Variants in IGSF3 observed in about 807,000 individuals in gnomAD.
The protein encoded by IGSF3 is glu-Trp-Ile EWI motif-containing protein 3.
Under a neutral mutation model 114.4 loss-of-function variants are expected in IGSF3, and 23 were observed. The observed-to-expected ratio is 0.20, with a 90% confidence interval of 0.14 to 0.28. The LOEUF is 0.28. Ranked by LOEUF, IGSF3 falls within the 10% of genes least tolerant of loss-of-function variation. IGSF3 has a pLI of 1.00. For synonymous variants in IGSF3, 571 were observed against 645.2 expected, an observed-to-expected ratio of 0.88 and a Z score of 1.74; for missense variants, 1,172 against 1,591.5, an observed-to-expected ratio of 0.74 and a Z score of 4.48.
intron 2 of IGSF3, among the ~76,000 whole-genome samples, chr1:116,641,993 T>C (rs1316025159): frequency 6.6e-6 from 1 of 152,096 alleles, no homozygotes; most frequent in Non-Finnish European, 1.5e-5. Flanking sequence ...TGTCTCGAAC[T>C]CCTGGGCTCC....
At position 116,599,838 on chromosome 1, in the gene IGSF3, G is replaced by A. The variant is rs1284959143; in HGVS notation, c.2029+103C>T. ...TGCAATGTGTCTAAATGAAGAGCTGGGAAAGGGGGAAGTGACGCTAAGGGC... is the reference window on the plus strand; with the variant it reads ...TGCAATGTGTCTAAATGAAGAGCTGAGAAAGGGGGAAGTGACGCTAAGGGC... On this transcript the variant is annotated intron_variant, in intron 7 of 10. Transcript: ENST00000369486. 6 of 994,886 alleles carry A rather than the reference G, an allele frequency of 6.0e-6. 1 individual carries two copies. The highest frequency in any genetic ancestry group is 8.8e-6 in the Non-Finnish European group (6 of 683,034). 61.6% of individuals were successfully genotyped at this position (994,886 alleles called of 1,614,324 possible).
In IGSF3 at chr1:116,605,233, C is replaced by T. The variant is rs1660746238; in HGVS notation, c.1223-1208G>A. Among the ~76,000 whole-genome samples, 1 of 151,952 alleles carries T rather than the reference C, an allele frequency of 6.6e-6. No homozygotes were observed. On this transcript the variant is annotated intron_variant, in intron 5 of 10. Transcript: ENST00000369486. This position sits in a 1 kb window ranked among gnomAD's most constrained non-coding sequence, Gnocchi z 5.1. ...ATCAAATCCCAGATTTTAAGAGGCA[C>T]ACCCAATTACCAAGAGAAAACACAC...
rs909401437 is a variant in IGSF3, at chr1:116,615,294, C to T, written c.421+786G>A. Among the ~76,000 whole-genome samples, 1 of 151,426 alleles carries T rather than the reference C, an allele frequency of 6.6e-6. No individual in the cohort carries two copies. Among genetic ancestry groups the T allele is most frequent in the African/African-American group, 2.4e-5 (1 of 41,072 alleles). On this transcript the variant is annotated intron_variant, in intron 3 of 10. Coordinates refer to ENST00000369486, the MANE Select transcript of IGSF3 (RefSeq NM_001007237.3). The surrounding 1 kb of genome is among the most constrained non-coding windows in gnomAD (Gnocchi z 4.3). ...CATCACACATACACACATACACACA[C>T]ACACACACACACGAAAAAAAAAAGG...
At chr1:116,602,819 CT>C (rs1660645842) in intron 6 of IGSF3, among the ~76,000 whole-genome samples, 1 of 152,200 alleles carries the variant, frequency 6.6e-6, no homozygotes, top group Non-Finnish European at 1.5e-5. Flanking sequence ...CGTTTAAAAT[CT>C]AATAGACTGA....
intron 9 of IGSF3, among the ~76,000 whole-genome samples, chr1:116,581,421 A>G (rs766134748): frequency 2.7e-5 from 4 of 149,906 alleles, no homozygotes; most frequent in Non-Finnish European, 5.9e-5. Flanking sequence ...TCTGCTTATG[A>G]AATGTTCATG....
Position 116,589,004 on chromosome 1 carries a change from G to C in IGSF3, c.2130C>G (p.Asn710Lys). Residue 710 changes from asparagine (N) to lysine (K), a missense_variant, in exon 8 of 11, where the codon AAC (asparagine) becomes AAG (lysine). Transcript: ENST00000369486. The surrounding 1 kb of genome is among the most constrained non-coding windows in gnomAD (Gnocchi z 5.7). ...NCSVKSQTSQNSHFAVLWYVH... is the reference protein window; with the variant it reads ...NCSVKSQTSQKSHFAVLWYVH... The stretch of plus-strand genomic sequence containing the variant: ...CATACCAGAGCACCGCAAAGTGGGA[G>C]TTCTGGCTAGTCTGAGACTTGACTG... 6.2e-7 allele frequency: 1 copy of C among 1,614,238 alleles called. No individual in the cohort carries two copies. Among genetic ancestry groups the C allele is most frequent in the Non-Finnish European group, 8.5e-7 (1 of 1,180,034 alleles).
In IGSF3 at chr1:116,654,577, C is replaced by A. The variant is rs1231807539; in HGVS notation, c.43+11707G>T. Among the ~76,000 whole-genome samples the A allele has an allele frequency of 2.6e-5, 4 of 152,190 alleles. No homozygotes were observed. The highest frequency in any genetic ancestry group is 4.4e-5 in the Non-Finnish European group (3 of 68,032). ...CCAGGGCGCCCTCAGGGAGGCCACA[C>A]TGCAGGAGGCAAAGTATGAGGTGGG... On this transcript the variant is annotated intron_variant, in intron 2 of 10. Coordinates refer to ENST00000369486, the MANE Select transcript of IGSF3 (RefSeq NM_001007237.3). The surrounding 1 kb of genome is among the most constrained non-coding windows in gnomAD (Gnocchi z 4.4).
chr1:116,640,037 C>CAAAAAAAAAAAAAAAAAAAAA (rs34003833), intron 2 of IGSF3, among the ~76,000 whole-genome samples: 1 of 65,288 alleles, frequency 1.5e-5, no homozygotes, highest in Non-Finnish European at 3.0e-5. Context: ...GACTCTATCT[C>CAAAAAAAAAAAAAAAAAAAAA]AAAAAAAAAA....
rs527429031 is a variant in IGSF3, at chr1:116,611,737, G to C, written c.832+2028C>G. On this transcript the variant is annotated intron_variant, in intron 4 of 10. Coordinates refer to ENST00000369486, the MANE Select transcript of IGSF3 (RefSeq NM_001007237.3). ...TTTGTCTTATCAACCATCCCATTCA[G>C]AGATAACTGTGGTTGCAAGAACACT... Among the ~76,000 whole-genome samples, 19 of 152,226 alleles carry C rather than the reference G, an allele frequency of 1.2e-4. No individual in the cohort carries two copies. In the South Asian group the frequency reaches 3.9e-3, roughly 32 times the overall value.
chr1:116,589,221 C>T lies in IGSF3; in HGVS notation c.2030-117G>A. On this transcript the variant is annotated intron_variant, in intron 7 of 10. Coordinates refer to ENST00000369486, the MANE Select transcript of IGSF3 (RefSeq NM_001007237.3). The surrounding 1 kb of genome is among the most constrained non-coding windows in gnomAD (Gnocchi z 5.7). ...CAGTTCCTGGGGGATTTAACACCGA[C>T]TGGCTTCAGTGTGAGGAAGGCAGCA... The T allele has an allele frequency of 6.0e-6, 5 of 827,236 alleles. No homozygotes were observed. The South Asian group carries it at 8.6e-5, about 14-fold the overall frequency. The allele number at this position is 827,236 out of a possible 1,614,324, so 51.2% of individuals were successfully genotyped here.
rs1055197046 is a variant in IGSF3 at position 116,661,012 on chromosome 1, G to A, written c.43+5272C>T. Reference sequence around the variant, plus strand: ...ATTCACTCATCAAAAAATTAACTGGGCCAGGTGTGGTAGCTCACGCCTGTA... The same window carrying A: ...ATTCACTCATCAAAAAATTAACTGGACCAGGTGTGGTAGCTCACGCCTGTA... On this transcript the variant is annotated intron_variant, in intron 2 of 10. Coordinates refer to ENST00000369486, the MANE Select transcript of IGSF3 (RefSeq NM_001007237.3). The surrounding 1 kb of genome is among the most constrained non-coding windows in gnomAD (Gnocchi z 4.0). 6.6e-6 allele frequency among the ~76,000 whole-genome samples: 1 copy of A among 152,148 alleles called. No homozygotes were observed. Among genetic ancestry groups the A allele is most frequent in the Non-Finnish European group, 1.5e-5 (1 of 68,038 alleles).
chr1:116,606,738 C>T (rs1660807571), intron 5 of IGSF3, among the ~76,000 whole-genome samples: 2 of 152,164 alleles, frequency 1.3e-5, no homozygotes, highest in African/African-American at 4.8e-5. Flanking sequence ...CACAGACTGA[C>T]AGGAAAATAG....
chr1:116,591,771 C>T (rs1165570967), intron 7 of IGSF3, among the ~76,000 whole-genome samples: 2 of 152,154 alleles, frequency 1.3e-5, no homozygotes, highest in Non-Finnish European at 2.9e-5. Flanking sequence ...CATGTCCTGC[C>T]AGAGCCCTGC....
intron 2 of IGSF3, among the ~76,000 whole-genome samples, chr1:116,623,032 G>C (rs1317877730): frequency 6.6e-6 from 1 of 152,210 alleles, no homozygotes; most frequent in Admixed American, 6.5e-5. Flanking sequence ...GAACTTAAAG[G>C]CTCCAGAGAG....
intron 7 of IGSF3, among the ~76,000 whole-genome samples, chr1:116,591,501 A>G (rs2659349): frequency 6.6e-6 from 1 of 152,270 alleles, no homozygotes; most frequent in Non-Finnish European, 1.5e-5. Flanking sequence ...ATTCAGTCAC[A>G]TGGTCTGAGA....
intron 2 of IGSF3, 120 bp downstream of exon 2, chr1:116,666,162 ACC>A: frequency 1.1e-6 from 1 of 919,404 alleles, no homozygotes; most frequent in Non-Finnish European, 1.8e-6. Flanking sequence ...TGTGACACAC[ACC>A]GACCGCCTCC....
rs1426072617 is a variant in IGSF3 at position 116,592,412 on chromosome 1, CCA to C, written c.2030-3310_2030-3309del. On this transcript the variant is annotated intron_variant, in intron 7 of 10. Coordinates refer to ENST00000369486, the MANE Select transcript of IGSF3 (RefSeq NM_001007237.3). The surrounding 1 kb of genome is among the most constrained non-coding windows in gnomAD (Gnocchi z 4.5). ...CCAGCAGCTGCCTTCACAGCAGCCC[CCA>C]GAGGCCAGGCCCTGCTTTGAGGGAG... Among the ~76,000 whole-genome samples, 1 of 152,242 alleles carries C rather than the reference CCA, an allele frequency of 6.6e-6. No homozygotes were observed. Among genetic ancestry groups the C allele is most frequent in the Non-Finnish European group, 1.5e-5 (1 of 68,040 alleles).
In IGSF3 at chr1:116,608,271, A is replaced by C. The variant is rs1571151192; in HGVS notation, c.893T>G (p.Val298Gly). ...AGCCTCCAGGATGCATCTGAACTCCACCGGCTCGCCCACCGTGTGCAGCCG... is the reference window on the plus strand; with the variant it reads ...AGCCTCCAGGATGCATCTGAACTCCCCCGGCTCGCCCACCGTGTGCAGCCG... ...EKRLHTVGEP[V>G]EFRCILEAQN... Residue 298 changes from valine to glycine, a missense_variant, in exon 5 of 11, where the codon GTG becomes GGG. Coordinates refer to ENST00000369486, the MANE Select transcript of IGSF3 (RefSeq NM_001007237.3). The C allele has an allele frequency of 6.2e-7, 1 of 1,612,636 alleles. No individual in the cohort carries two copies. Among genetic ancestry groups the C allele is most frequent in the Non-Finnish European group, 8.5e-7 (1 of 1,179,204 alleles).
At chr1:116,609,421 G>C (rs1441431806) in intron 4 of IGSF3, among the ~76,000 whole-genome samples, 1 of 151,888 alleles carries the variant, frequency 6.6e-6, no homozygotes, top group Non-Finnish European at 1.5e-5. Flanking sequence ...TGCTTAACCA[G>C]GCATGAGGGG....
Sources: gnomAD v4.1 joint callset for allele counts (sites outside exome capture counted in the v4.1 genomes callset) on GRCh38, gnomAD v4.1.1 for gene constraint, Gnocchi (gnomAD v3.1) non-coding constraint, MANE v1.5 for transcripts, NCBI Gene and HGNC (gene_info 2026-07-23, HGNC 2026-07-21) for gene names.